The following SEMA6D variants were observed in gnomAD, a reference collection of about 807,000 sequenced individuals.
The protein encoded by SEMA6D is semaphorin-6D.
Under a neutral mutation model 106.6 loss-of-function variants are expected in SEMA6D, and 35 were observed. That is an observed-to-expected ratio of 0.33 (90% confidence interval 0.25 to 0.44). SEMA6D has a LOEUF of 0.44. Ranked by LOEUF, SEMA6D falls within the 20% of genes least tolerant of loss-of-function variation. SEMA6D has a pLI of 1.00. For synonymous variants in SEMA6D, 499 were observed against 487.7 expected (o/e 1.02, Z -0.31); for missense variants, 1,185 against 1,345.9 (o/e 0.88, Z 1.87).
chr15:47,723,167 C>T (rs1435714427), intron 1 of SEMA6D, among the ~76,000 whole-genome samples: 1 of 152,166 alleles, frequency 6.6e-6, no homozygotes, highest in Non-Finnish European at 1.5e-5. Context: ...TATATGTACA[C>T]GGTGGATGTG....
In SEMA6D at chr15:47,352,285, A is replaced by G. The variant is rs574982492; in HGVS notation, c.-238-60108A>G. Among the ~76,000 whole-genome samples, 306 of 152,320 alleles carry G rather than the reference A, an allele frequency of 2.0e-3. 1 individual carries two copies. Among genetic ancestry groups the G allele is most frequent in the Non-Finnish European group, 3.6e-3 (242 of 68,024 alleles). On this transcript the variant is annotated intron_variant, in intron 1 of 19. Coordinates refer to the SEMA6D transcript ENST00000558014. The stretch of plus-strand genomic sequence containing the variant: ...GAATAATGGACTGATTTCCATCAAG[A>G]TGTTTGTCATTGAATTGACAAAGAC...
At chr15:47,460,483 A>C (rs530268550) in intron 2 of SEMA6D, among the ~76,000 whole-genome samples, 1 of 152,212 alleles carries the variant, frequency 6.6e-6, no homozygotes, top group East Asian at 1.9e-4. Context: ...GTGCTTTGAA[A>C]GCACTGAAGG....
At chr15:47,511,473 T>C (rs1221622309) in intron 3 of SEMA6D, among the ~76,000 whole-genome samples, 2 of 152,144 alleles carry the variant, frequency 1.3e-5, no homozygotes, top group African/African-American at 2.4e-5. Context: ...TAACCTCTAT[T>C]GGATCCCACA....
intron 4 of SEMA6D, among the ~76,000 whole-genome samples, chr15:47,623,734 T>C (rs1246463072): frequency 6.6e-6 from 1 of 152,124 alleles, no homozygotes; most frequent in East Asian, 1.9e-4. Context: ...TTCTGTGAGG[T>C]AATGGAAGGA....
intron 1 of SEMA6D, among the ~76,000 whole-genome samples, chr15:47,251,907 ATTTTTTT>A (rs994788645): frequency 1.2e-3 from 100 of 81,994 alleles, no homozygotes; most frequent in Admixed American, 2.5e-3. Context: ...TTCTAATTGG[ATTTTTTT>A]TTTTTTTTTT....
At chr15:47,240,250 T>C (rs1314202814) in intron 1 of SEMA6D, among the ~76,000 whole-genome samples, 3 of 152,218 alleles carry the variant, frequency 2.0e-5, no homozygotes, top group Admixed American at 6.5e-5. Flanking sequence ...AGTAGACTTA[T>C]AGGTTTTTGG....
intron 1 of SEMA6D, among the ~76,000 whole-genome samples, chr15:47,216,949 G>A (rs769296105): frequency 6.6e-5 from 10 of 152,168 alleles, no homozygotes; most frequent in South Asian, 6.2e-4. Context: ...ATCCTGACCC[G>A]CAGATAATGG....
intron 4 of SEMA6D, among the ~76,000 whole-genome samples, chr15:47,651,999 A>G (rs2077701552): frequency 6.6e-6 from 1 of 152,156 alleles, no homozygotes; most frequent in African/African-American, 2.4e-5. Context: ...ACGTTTCTCT[A>G]ATTTCCCAAG....
intron 1 of SEMA6D, chr15:47,730,129 A>G: frequency 1.8e-6 from 2 of 1,088,276 alleles, no homozygotes; most frequent in Middle Eastern, 2.9e-4. Flanking sequence ...CAGAAAACTC[A>G]ACAGTGTACA....
At chr15:47,461,015 C>CCT (rs2042491681) in intron 2 of SEMA6D, among the ~76,000 whole-genome samples, 1 of 152,118 alleles carries the variant, frequency 6.6e-6, no homozygotes, top group Non-Finnish European at 1.5e-5. Context: ...CCAGCCACTT[C>CCT]CTCTCTCTCA....
intron 1 of SEMA6D, among the ~76,000 whole-genome samples, chr15:47,245,204 T>C (rs1449747265): frequency 1.3e-5 from 2 of 152,156 alleles, no homozygotes; most frequent in Non-Finnish European, 2.9e-5. Flanking sequence ...TATTTTTCTT[T>C]TGGTATATAC....
rs149768286 is a variant in SEMA6D at position 47,500,779 on chromosome 15, G to T, written c.-87+30234G>T. Among the ~76,000 whole-genome samples, 353 of 152,220 alleles carry T rather than the reference G, an allele frequency of 2.3e-3. 1 individual carries two copies. Among genetic ancestry groups the T allele is most frequent in the African/African-American group, 8.3e-3 (343 of 41,536 alleles). Reference sequence around the variant, plus strand: ...TAATAGATAAAAAAATAGTTTGCCTGATCTCTTTGTTTAACAGAGTCAATT... The same window carrying T: ...TAATAGATAAAAAAATAGTTTGCCTTATCTCTTTGTTTAACAGAGTCAATT... On this transcript the variant is annotated intron_variant, in intron 3 of 19. Transcript: ENST00000558014.
At chr15:47,606,625 T>C (rs574727036) in intron 4 of SEMA6D, among the ~76,000 whole-genome samples, 57 of 152,306 alleles carry the variant, frequency 3.7e-4, no homozygotes, top group African/African-American at 1.3e-3. Context: ...GGAGCCCATG[T>C]TGGAGGCTGG....
At chr15:47,688,828 A>G (rs12438387) in intron 4 of SEMA6D, among the ~76,000 whole-genome samples, 78,892 of 152,022 alleles carry the variant, frequency 0.52, 21,657 homozygotes, top group South Asian at 0.67. Flanking sequence ...TTCTACACAC[A>G]TTACCAATAT....
At chr15:47,685,057 T>C (rs1455410552) in intron 4 of SEMA6D, among the ~76,000 whole-genome samples, 8 of 152,002 alleles carry the variant, frequency 5.3e-5, no homozygotes, top group Admixed American at 5.2e-4. Flanking sequence ...AAATATAGTA[T>C]TGAAAAACTC....
At chr15:47,284,855 T>C (rs745721705) in intron 1 of SEMA6D, among the ~76,000 whole-genome samples, 1 of 152,204 alleles carries the variant, frequency 6.6e-6, no homozygotes, top group Non-Finnish European at 1.5e-5. Flanking sequence ...GAAATTAAAC[T>C]GCCAGTTATT....
At chr15:47,299,359 G>GCTTATAA (rs1566981446) in intron 1 of SEMA6D, among the ~76,000 whole-genome samples, 1 of 152,142 alleles carries the variant, frequency 6.6e-6, no homozygotes. Context: ...AGCCAAATTT[G>GCTTATAA]CCTCACAGCA....
rs567456 is a variant in SEMA6D at position 47,764,352 on chromosome 15, G to A, written c.1097+47G>A. The A allele has an allele frequency of 0.015, 23,600 of 1,582,546 alleles. 3,013 individuals are homozygous for A. In the African/African-American group the frequency reaches 0.28, roughly 19 times the overall value. On this transcript the variant is annotated intron_variant, in intron 11 of 18. Coordinates refer to ENST00000536845, the MANE Select transcript of SEMA6D (RefSeq NM_001358351.3). ...GGTTTTGTCTTGAACAAAACCTTCC[G>A]GTCATTGGAAGCATCCCTCCTCAGG...
chr15:47,673,705 G>A (rs192629933), intron 4 of SEMA6D, among the ~76,000 whole-genome samples: 1 of 152,268 alleles, frequency 6.6e-6, no homozygotes, highest in East Asian at 1.9e-4. Flanking sequence ...CTGTCACGTG[G>A]GGGGAGAATT....
Sources: allele counts gnomAD v4.1 joint callset (sites outside exome capture counted in the v4.1 genomes callset), GRCh38; gene constraint gnomAD v4.1.1; transcripts MANE v1.5; gene names NCBI Gene and HGNC (gene_info 2026-07-23, HGNC 2026-07-21).